Variants in EXOC6B observed in about 807,000 individuals in gnomAD.
EXOC6B encodes the protein exocyst complex component 6B.
Under a neutral mutation model 113.5 loss-of-function variants are expected in EXOC6B, and 54 were observed. That is an observed-to-expected ratio of 0.48 (90% CI 0.38 to 0.60). EXOC6B has a LOEUF of 0.60. Ranked by LOEUF, EXOC6B falls within the 20% of genes least tolerant of loss-of-function variation. The pLI, the probability that EXOC6B is intolerant of heterozygous loss-of-function variation, is 0.00. For missense variants in EXOC6B, 797 were observed against 977.5 expected, an observed-to-expected ratio of 0.82 and a Z score of 2.46; for synonymous variants, 357 against 339.0, an observed-to-expected ratio of 1.05 and a Z score of -0.58.
intron 20 of EXOC6B, among the ~76,000 whole-genome samples, chr2:72,221,784 C>T (rs899927434): frequency 6.6e-6 from 1 of 152,120 alleles, no homozygotes; most frequent in African/African-American, 2.4e-5. Flanking sequence ...GAACTAATTT[C>T]TTCTGAATTG....
chr2:72,377,883 ATAT>A (rs1188127644), intron 19 of EXOC6B, among the ~76,000 whole-genome samples: 1 of 152,142 alleles, frequency 6.6e-6, no homozygotes, highest in East Asian at 1.9e-4. Flanking sequence ...AGTAATATAT[ATAT>A]TAACTAGCTC....
intron 7 of EXOC6B, among the ~76,000 whole-genome samples, chr2:72,561,081 C>T (rs138273681): frequency 1.3e-5 from 2 of 151,988 alleles, no homozygotes; most frequent in South Asian, 2.1e-4. Context: ...TCTCCTCTTT[C>T]GGACTGCAAA....
intron 20 of EXOC6B, among the ~76,000 whole-genome samples, chr2:72,295,656 G>T (rs1233271988): frequency 6.6e-6 from 1 of 152,118 alleles, no homozygotes; most frequent in African/African-American, 2.4e-5. Context: ...GTGGAACAAG[G>T]CTTAAAGAAC....
rs1266675208 is a variant in EXOC6B at position 72,177,806 on chromosome 2, C to T, written c.*1529G>A. ...ATTCTGTTTGATGAGTCTCTCCTCC[C>T]ATCAATCCAAGCTGGAAATGCCTGT... On this transcript the variant is annotated 3_prime_UTR_variant, in exon 22 of 22. Coordinates refer to ENST00000272427, the MANE Select transcript of EXOC6B (RefSeq NM_015189.3). 6.6e-6 allele frequency: 1 copy of T among 152,220 alleles called. No homozygotes were observed. Among genetic ancestry groups the T allele is most frequent in the Non-Finnish European group, 1.5e-5 (1 of 68,048 alleles). 9.4% of individuals were successfully genotyped at this position (152,220 alleles called of 1,614,324 possible).
At chr2:72,334,434 T>C (rs1466104129) in intron 20 of EXOC6B, among the ~76,000 whole-genome samples, 1 of 152,144 alleles carries the variant, frequency 6.6e-6, no homozygotes, top group African/African-American at 2.4e-5. Context: ...TAGTTACCCA[T>C]GGCTGACAAC....
intron 1 of EXOC6B, among the ~76,000 whole-genome samples, chr2:72,752,301 A>C (rs1682097479): frequency 6.6e-6 from 1 of 152,144 alleles, no homozygotes; most frequent in Admixed American, 6.6e-5. Flanking sequence ...TATCTCTATG[A>C]AATAGATAGG....
intron 20 of EXOC6B, among the ~76,000 whole-genome samples, chr2:72,289,278 G>A (rs1489824158): frequency 6.6e-6 from 1 of 152,148 alleles, no homozygotes; most frequent in Non-Finnish European, 1.5e-5. Context: ...AGTTTCATGA[G>A]TATATTCACT....
chr2:72,537,936 A>G (rs1261009233), intron 8 of EXOC6B, among the ~76,000 whole-genome samples: 2 of 152,026 alleles, frequency 1.3e-5, no homozygotes, highest in Non-Finnish European at 2.9e-5. Flanking sequence ...TTCTTTTACG[A>G]AAATGTTAAA....
chr2:72,451,477 G>C (rs867398636), intron 18 of EXOC6B, among the ~76,000 whole-genome samples: 9 of 152,126 alleles, frequency 5.9e-5, no homozygotes, highest in African/African-American at 2.2e-4. Context: ...TACCATCTTA[G>C]AACAGTTAAA....
chr2:72,688,774 C>A (rs1423269798), intron 6 of EXOC6B, among the ~76,000 whole-genome samples: 1 of 152,202 alleles, frequency 6.6e-6, no homozygotes, highest in Non-Finnish European at 1.5e-5. Flanking sequence ...GTAAAAATCA[C>A]TCTTATAAGT....
At chr2:72,366,444 G>A (rs1010423992) in intron 19 of EXOC6B, among the ~76,000 whole-genome samples, 2 of 151,946 alleles carry the variant, frequency 1.3e-5, no homozygotes, top group Non-Finnish European at 2.9e-5. Context: ...ACAGAGTATC[G>A]GTAACCACAG....
chr2:72,578,346 A>G (rs1271845178), intron 6 of EXOC6B, among the ~76,000 whole-genome samples: 1 of 152,114 alleles, frequency 6.6e-6, no homozygotes, highest in Non-Finnish European at 1.5e-5. Flanking sequence ...AATAGAAGCT[A>G]AACCTAATTT....
chr2:72,327,976 T>A (rs556424410), intron 20 of EXOC6B, among the ~76,000 whole-genome samples: 1 of 152,130 alleles, frequency 6.6e-6, no homozygotes, highest in Admixed American at 6.6e-5. Context: ...TATCCTTGCA[T>A]ATGCTGATCC....
At chr2:72,241,264 G>A (rs1395707927) in intron 20 of EXOC6B, among the ~76,000 whole-genome samples, 1 of 152,148 alleles carries the variant, frequency 6.6e-6, no homozygotes, top group African/African-American at 2.4e-5. Context: ...TCAATAGACT[G>A]TATATGGCTA....
At chr2:72,609,827 G>C (rs1436990556) in intron 6 of EXOC6B, among the ~76,000 whole-genome samples, 1 of 152,052 alleles carries the variant, frequency 6.6e-6, no homozygotes, top group Non-Finnish European at 1.5e-5. Context: ...CTCATACTTA[G>C]TCAACTCTGT....
chr2:72,458,151 G>C (rs1023373348), intron 18 of EXOC6B, among the ~76,000 whole-genome samples: 1 of 152,086 alleles, frequency 6.6e-6, no homozygotes, highest in Non-Finnish European at 1.5e-5. Flanking sequence ...CCCTCTCTGA[G>C]AGAGAGCCAC....
At chr2:72,198,882 A>G (rs1005264324) in intron 20 of EXOC6B, among the ~76,000 whole-genome samples, 4 of 152,228 alleles carry the variant, frequency 2.6e-5, no homozygotes, top group African/African-American at 9.6e-5. Context: ...AGGAAAGTCC[A>G]AAGTGGGGAC....
intron 6 of EXOC6B, among the ~76,000 whole-genome samples, chr2:72,673,747 A>G (rs1676082667): frequency 6.7e-6 from 1 of 149,182 alleles, no homozygotes. Context: ...TTATTTTTTT[A>G]TTTATTTTAT....
chr2:72,766,626 T>C (rs1187621994), intron 1 of EXOC6B, among the ~76,000 whole-genome samples: 2 of 152,066 alleles, frequency 1.3e-5, no homozygotes, highest in Non-Finnish European at 2.9e-5. Context: ...CCGAACTCCA[T>C]AGATGGTTTA....
Sources: gnomAD v4.1 joint callset for allele counts (sites outside exome capture counted in the v4.1 genomes callset) on GRCh38, gnomAD v4.1.1 for gene constraint, MANE v1.5 for transcripts, NCBI Gene and HGNC (gene_info 2026-07-23, HGNC 2026-07-21) for gene names.